The following AP1S3 variants were observed in gnomAD, a reference collection of about 807,000 sequenced individuals.
The protein encoded by AP1S3 is adaptor related protein complex 1 subunit sigma 3.
Under a neutral mutation model 20.9 loss-of-function variants are expected in AP1S3, and 10 were observed. The observed-to-expected ratio is 0.48, with a 90% CI of 0.29 to 0.81. AP1S3 has a LOEUF of 0.81. Among genes scored for constraint, AP1S3 ranks in the 30% least tolerant of loss-of-function variants. The probability of loss-of-function intolerance (pLI) is 0.08; values close to 1 mark genes in which losing one functional copy is unlikely to be tolerated. For missense variants in AP1S3, 154 were observed against 183.8 expected (o/e 0.84, Z 0.94); for synonymous variants, 41 against 61.5 (o/e 0.67, Z 1.56).
At chr2:223,830,136 T>C (rs976663906) in intron 1 of AP1S3, among the ~76,000 whole-genome samples, 14 of 152,076 alleles carry the variant, frequency 9.2e-5, no homozygotes, top group Non-Finnish European at 4.4e-5. Flanking sequence ...AGGGTTTGTA[T>C]GTATGAATTT....
Position 223,755,834 on chromosome 2 carries a change from T to G in AP1S3, c.*2881A>C, listed in dbSNP as rs1690200282. ...CGTGAGCCACCTTGCCCAGAAGAGA[T>G]ATATTTACTTTCTATGTGTGACACT... On this transcript the variant is annotated 3_prime_UTR_variant, in exon 5 of 5. Coordinates refer to ENST00000396654, the MANE Select transcript of AP1S3 (RefSeq NM_001039569.2). 3.0e-6 allele frequency: 3 copies of G among 985,228 alleles called. No homozygotes were observed. Among genetic ancestry groups the G allele is most frequent in the South Asian group, 9.4e-5 (2 of 21,290 alleles). 61.0% of individuals were successfully genotyped at this position (985,228 alleles called of 1,614,324 possible).
At chr2:223,796,507 G>T (rs2106107350) in intron 1 of AP1S3, among the ~76,000 whole-genome samples, 1 of 152,284 alleles carries the variant, frequency 6.6e-6, no homozygotes, top group East Asian at 1.9e-4. Context: ...CCCAGAAACA[G>T]CAGGGATATA....
rs200205179 is a variant in AP1S3 at position 223,794,352 on chromosome 2, CA to C, written c.4-16484del. On this transcript the variant is annotated intron_variant, in intron 1 of 4. Coordinates refer to ENST00000396654, the MANE Select transcript of AP1S3 (RefSeq NM_001039569.2). The stretch of plus-strand genomic sequence containing the variant: ...TGGGCGACACAGAGAGACTCTGTGT[CA>C]AAAAAAACAATAAAATATAAAACAA... Among the ~76,000 whole-genome samples, 3 of 150,620 alleles carry C rather than the reference CA, an allele frequency of 2.0e-5. No homozygotes were observed. The South Asian group carries it at 6.4e-4, about 32-fold the overall frequency.
chr2:223,780,310 G>T (rs659717), intron 1 of AP1S3, among the ~76,000 whole-genome samples: 1,656 of 55,044 alleles, frequency 0.03, 18 homozygotes, highest in Non-Finnish European at 0.033. Context: ...TATATATATA[G>T]AGAGAGAGAG....
chr2:223,811,943 G>C (rs1574720509), intron 1 of AP1S3, among the ~76,000 whole-genome samples: 1 of 152,352 alleles, frequency 6.6e-6, no homozygotes, highest in Middle Eastern at 3.4e-3. Flanking sequence ...GTTTATGTAA[G>C]TTGACCAGCA....
intron 1 of AP1S3, among the ~76,000 whole-genome samples, chr2:223,824,693 T>C (rs1421648946): frequency 2.6e-5 from 4 of 152,020 alleles, no homozygotes; most frequent in Admixed American, 6.6e-5. Context: ...GCCTGCCACA[T>C]GCGCAGCTAA....
chr2:223,758,075 C>A lies in AP1S3; in HGVS notation c.*640G>T. ...TAAATTAAAACCTCAGTCAAGATAGCAGCTTCTAAGGCATCAAAAACACTT... is the reference window on the plus strand; with the variant it reads ...TAAATTAAAACCTCAGTCAAGATAGAAGCTTCTAAGGCATCAAAAACACTT... On this transcript the variant is annotated 3_prime_UTR_variant, in exon 5 of 5. Coordinates refer to ENST00000396654, the MANE Select transcript of AP1S3 (RefSeq NM_001039569.2). 1.0e-6 allele frequency: 1 copy of A among 984,004 alleles called. No homozygotes were observed. 61.0% of individuals were successfully genotyped at this position (984,004 alleles called of 1,614,324 possible). A position where few individuals can be genotyped will look rare whatever the true frequency, so the allele number is the denominator to read the frequency against.
intron 1 of AP1S3, among the ~76,000 whole-genome samples, chr2:223,828,206 C>T (rs969170890): frequency 1.3e-5 from 2 of 151,638 alleles, no homozygotes; most frequent in African/African-American, 4.8e-5. Flanking sequence ...CTCAGGTGAT[C>T]TCATGAAATG....
At chr2:223,778,974 C>T (rs1315671023) in intron 1 of AP1S3, among the ~76,000 whole-genome samples, 1 of 152,162 alleles carries the variant, frequency 6.6e-6, no homozygotes, top group Non-Finnish European at 1.5e-5. Context: ...GCTGGGATTG[C>T]TGGCATAAGC....
In AP1S3 at chr2:223,758,285, T is replaced by A. The variant is rs1690271968; in HGVS notation, c.*430A>T. ...AACATAATTTTGAATTATTATACAA[T>A]TTAGAAAACTAAACATTTAGAAAAA... On this transcript the variant is annotated 3_prime_UTR_variant, in exon 5 of 5. Transcript: ENST00000396654. 1 of 975,354 alleles carries A rather than the reference T, an allele frequency of 1.0e-6. No individual in the cohort carries two copies. Among genetic ancestry groups the A allele is most frequent in the East Asian group, 1.1e-4 (1 of 8,822 alleles). The allele number at this position is 975,354 out of a possible 1,614,324, so 60.4% of individuals were successfully genotyped here.
chr2:223,824,631 A>G (rs997872941), intron 1 of AP1S3, among the ~76,000 whole-genome samples: 1 of 151,762 alleles, frequency 6.6e-6, no homozygotes, highest in African/African-American at 2.4e-5. Flanking sequence ...TCCCCCTCCC[A>G]GGTCCAAGTG....
intron 4 of AP1S3, among the ~76,000 whole-genome samples, chr2:223,761,521 C>T (rs984740353): frequency 6.6e-6 from 1 of 152,040 alleles, no homozygotes; most frequent in Non-Finnish European, 1.5e-5. Flanking sequence ...ACCTCTCGGG[C>T]TCAAGTGATC....
intron 1 of AP1S3, among the ~76,000 whole-genome samples, chr2:223,824,349 T>C (rs944811069): frequency 7.9e-5 from 12 of 152,036 alleles, no homozygotes; most frequent in African/African-American, 2.7e-4. Flanking sequence ...AAATGATACA[T>C]GAGATAATCC....
At chr2:223,787,001 T>C (rs1691094028) in intron 1 of AP1S3, among the ~76,000 whole-genome samples, 1 of 152,082 alleles carries the variant, frequency 6.6e-6, no homozygotes, top group Non-Finnish European at 1.5e-5. Context: ...TGGGGCCTAG[T>C]AGGAGGTGAC....
chr2:223,807,729 C>T (rs1037598381), intron 1 of AP1S3, among the ~76,000 whole-genome samples: 8 of 152,022 alleles, frequency 5.3e-5, no homozygotes, highest in Non-Finnish European at 1.2e-4. Context: ...GTCTGGCTCT[C>T]CATTCACCTT....
At chr2:223,776,060 T>C in intron 2 of AP1S3, 51 bp from the exon 3 acceptor site, 1 of 1,434,686 alleles carries the variant, frequency 7.0e-7, no homozygotes, top group Non-Finnish European at 9.7e-7. Context: ...TTAAGCAACC[T>C]GGAGACAGTT....
intron 1 of AP1S3, among the ~76,000 whole-genome samples, chr2:223,824,853 A>AT (rs1280941288): frequency 6.6e-6 from 1 of 152,072 alleles, no homozygotes; most frequent in East Asian, 1.9e-4. Context: ...AGGTATTACT[A>AT]TTTTTTTAAC....
chr2:223,775,489 C>A (rs534873449), intron 3 of AP1S3, among the ~76,000 whole-genome samples: 4 of 152,194 alleles, frequency 2.6e-5, no homozygotes, highest in Non-Finnish European at 5.9e-5. Context: ...TTCTGGTTCA[C>A]TGAAATAAGG....
At chr2:223,776,788 T>C (rs575039214) in intron 2 of AP1S3, among the ~76,000 whole-genome samples, 1 of 152,272 alleles carries the variant, frequency 6.6e-6, no homozygotes, top group African/African-American at 2.4e-5. Context: ...AAAAACAATA[T>C]ACAGGCTTTA....
Sources: gnomAD v4.1 joint callset for allele counts (sites outside exome capture counted in the v4.1 genomes callset) on GRCh38, gnomAD v4.1.1 for gene constraint, MANE v1.5 for transcripts, NCBI Gene and HGNC (gene_info 2026-07-23, HGNC 2026-07-21) for gene names.